Variants in HUNK observed in about 807,000 individuals in gnomAD.
HUNK encodes the protein hormonally up-regulated neu tumor-associated kinase.
In HUNK, 21 loss-of-function variants were observed where a neutral mutation model predicts 61.0. The observed-to-expected ratio is 0.34, with a 90% CI of 0.24 to 0.50. The LOEUF is 0.50. HUNK is among the 20% of genes least tolerant of loss of function. HUNK has a pLI of 0.98. For missense variants in HUNK, 772 were observed against 945.7 expected, an observed-to-expected ratio of 0.82 and a Z score of 2.41; for synonymous variants, 371 against 386.1, an observed-to-expected ratio of 0.96 and a Z score of 0.46.
rs756689144 is a variant in HUNK at position 31,924,482 on chromosome 21, C to A, written c.276C>A (p.Val92=). 1.2e-6 allele frequency: 2 copies of A among 1,612,988 alleles called. No individual in the cohort carries two copies. The highest frequency in any genetic ancestry group is 2.2e-5 in the East Asian group (1 of 44,878). Residue 92 remains valine (V), a synonymous_variant, in exon 2 of 11, where the codon GTC becomes GTA. Transcript: ENST00000270112. The surrounding 1 kb of genome is among the most constrained non-coding windows in gnomAD (Gnocchi z 5.1). ...TTTCTCCTTAGGTGGCCATAAAAGT[C>A]ATTGATAAGAAGAGAGCCAAAAAGG... ...VLTGEKVAIK[V]IDKKRAKKDT...
chr21:31,963,474 A>T (rs2052942269), intron 5 of HUNK, among the ~76,000 whole-genome samples: 1 of 152,198 alleles, frequency 6.6e-6, no homozygotes, highest in East Asian at 1.9e-4. Flanking sequence ...ATCTTTATTA[A>T]TTGGATGACT....
At chr21:31,934,226 C>T (rs566835031) in intron 2 of HUNK, among the ~76,000 whole-genome samples, 47 of 152,038 alleles carry the variant, frequency 3.1e-4, no homozygotes, top group South Asian at 2.1e-4. Flanking sequence ...GAGGCTGAGG[C>T]GGGCGGATCA....
chr21:31,973,274 A>G (rs1395329404), intron 6 of HUNK, among the ~76,000 whole-genome samples: 4 of 151,856 alleles, frequency 2.6e-5, no homozygotes, highest in Admixed American at 6.6e-5. Context: ...TTAACTCGTC[A>G]TTTGCATTAG....
intron 2 of HUNK, among the ~76,000 whole-genome samples, chr21:31,927,154 C>T (rs2052666667): frequency 6.6e-6 from 1 of 152,050 alleles, no homozygotes. Flanking sequence ...GATTCTACTG[C>T]CTCAGCTTCC....
At chr21:31,950,860 C>A (rs1451924903) in intron 4 of HUNK, among the ~76,000 whole-genome samples, 1 of 152,138 alleles carries the variant, frequency 6.6e-6, no homozygotes, top group Non-Finnish European at 1.5e-5. Context: ...GAAGAGTTCA[C>A]TTCCAAAAAA....
rs1378974388 is a variant in HUNK, at chr21:31,908,474, C to T, written c.262-15994C>T. Among the ~76,000 whole-genome samples the T allele has an allele frequency of 2.0e-5, 3 of 151,252 alleles. No individual in the cohort carries two copies. In the South Asian group the frequency reaches 6.3e-4, roughly 32 times the overall value. On this transcript the variant is annotated intron_variant, in intron 1 of 10. Coordinates refer to ENST00000270112, the MANE Select transcript of HUNK (RefSeq NM_014586.2). The stretch of plus-strand genomic sequence containing the variant: ...TTTCGGAGGAGACTTGGCAATCCAT[C>T]GTAGGGGAGGGGCAAGGGGAAAGGG...
rs1568944534 is a variant in HUNK, at chr21:31,995,789, GA to G, written c.1333del (p.Arg445GlufsTer28). 6.2e-7 allele frequency: 1 copy of G among 1,613,938 alleles called. No homozygotes were observed. Among genetic ancestry groups the G allele is most frequent in the East Asian group, 2.2e-5 (1 of 44,878 alleles). On this transcript the variant is annotated frameshift_variant, in exon 10 of 11. Coordinates refer to ENST00000270112, the MANE Select transcript of HUNK (RefSeq NM_014586.2). LOFTEE classifies it high-confidence loss of function. The part of the protein sequence containing the change: ...AVQDKKPKEQ[E>X]KRGDFLHRPF... ...GTAGGATAAAAAGCCCAAAGAACAA[GA>G]AAAAAGAGGGGATTTTCTTCATCGA...
intron 4 of HUNK, among the ~76,000 whole-genome samples, chr21:31,952,846 A>G (rs1034870009): frequency 8.7e-5 from 13 of 150,230 alleles, no homozygotes; most frequent in African/African-American, 3.0e-4. Flanking sequence ...TCTGCTGGAA[A>G]AACCCCTGGT....
In HUNK at chr21:31,924,561, C is replaced by T. The variant is rs775412939; in HGVS notation, c.355C>T (p.Arg119Cys). 3.7e-6 allele frequency: 6 copies of T among 1,614,136 alleles called. No individual in the cohort carries two copies. The highest frequency in any genetic ancestry group is 1.1e-5 in the South Asian group (1 of 91,080). Reference protein sequence around the residue: ...RREGQIQQMIRHPNITQLLDI... With the variant: ...RREGQIQQMICHPNITQLLDI... ...AGAGGGTCAGATCCAGCAGATGATC[C>T]GCCACCCCAATATCACTCAGCTCCT... Residue 119 changes from arginine (R) to cysteine (C), a missense_variant, in exon 2 of 11, where the codon CGC becomes TGC. Physicochemically the swap from Arg to Cys is radical, Grantham distance 180 (BLOSUM62 -3). Around this residue, in one of 2 missense-constraint regions of HUNK, gnomAD observed 359 missense variants for 501.3 expected, o/e 0.72. Transcript: ENST00000270112. The surrounding 1 kb of genome is among the most constrained non-coding windows in gnomAD (Gnocchi z 5.1).
intron 5 of HUNK, among the ~76,000 whole-genome samples, chr21:31,964,793 G>T (rs1304784176): frequency 6.6e-6 from 1 of 152,196 alleles, no homozygotes; most frequent in Non-Finnish European, 1.5e-5. Context: ...GTGCTCATCA[G>T]CAGTTTTTGA....
At position 31,998,956 on chromosome 21, in the gene HUNK, ACCT is replaced by A. The variant is rs1568945924; in HGVS notation, c.1920_1922del (p.Pro641del). 1 of 1,613,990 alleles carries A rather than the reference ACCT, an allele frequency of 6.2e-7. No homozygotes were observed. Among genetic ancestry groups the A allele is most frequent in the South Asian group, 1.1e-5 (1 of 91,064 alleles). The stretch of plus-strand genomic sequence containing the variant: ...CAAAAGAGGAGGGCCTGTGTTGCCC[ACCT>A]CCGGTTCCCAGCAATGGCCCCATGC... On this transcript the variant is annotated inframe_deletion, in exon 11 of 11. Transcript: ENST00000270112.
Position 31,999,180 on chromosome 21 carries a change from G to A in HUNK, c.2141G>A (p.Cys714Tyr). ...FDMADGVKTQ[C>Y] ...ATGGCCGATGGGGTCAAGACCCAGT[G>A]CTAACTTGGGCCAGCGGGGTTTGGG... The change falls in exon 11 of 11, where the codon TGC becomes TAC. Residue 714 changes from cysteine to tyrosine, a missense_variant. This residue lies in a region of HUNK where 413 missense variants were observed against 444.4 expected (regional missense o/e 0.93). Coordinates refer to ENST00000270112, the MANE Select transcript of HUNK (RefSeq NM_014586.2). The A allele has an allele frequency of 1.9e-6, 3 of 1,595,184 alleles. No individual in the cohort carries two copies. The highest frequency in any genetic ancestry group is 2.6e-6 in the Non-Finnish European group (3 of 1,171,236).
In HUNK at chr21:31,998,971, C is replaced by T; in HGVS notation, c.1932C>T (p.Ser644=). Residue 644 remains serine (S), a synonymous_variant, in exon 11 of 11, where the codon AGC becomes AGT. Coordinates refer to ENST00000270112, the MANE Select transcript of HUNK (RefSeq NM_014586.2). ...EGLCCPPPVP[S]NGPMQPLGSP... The stretch of plus-strand genomic sequence containing the variant: ...TGTGTTGCCCACCTCCGGTTCCCAG[C>T]AATGGCCCCATGCAGCCTCTGGGGA... 2 of 1,614,228 alleles carry T rather than the reference C, an allele frequency of 1.2e-6. No individual in the cohort carries two copies. Among genetic ancestry groups the T allele is most frequent in the Non-Finnish European group, 1.7e-6 (2 of 1,180,042 alleles).
At chr21:31,974,835 G>A (rs1216705218) in intron 7 of HUNK, 118 bp downstream of exon 7, 2 of 1,000,222 alleles carry the variant, frequency 2.0e-6, no homozygotes, top group Middle Eastern at 2.4e-4. Flanking sequence ...TCTAATGTGA[G>A]GCTGAGTTTT....
intron 8 of HUNK, among the ~76,000 whole-genome samples, chr21:31,987,656 A>G (rs563047405): frequency 6.6e-6 from 1 of 152,356 alleles, no homozygotes; most frequent in Admixed American, 6.5e-5. Flanking sequence ...GGCAAACAGC[A>G]TTCAATTTTC....
At chr21:31,923,235 G>A (rs1298547690) in intron 1 of HUNK, among the ~76,000 whole-genome samples, 1 of 152,120 alleles carries the variant, frequency 6.6e-6, no homozygotes, top group Non-Finnish European at 1.5e-5. Context: ...TGGAAGCCAG[G>A]AGTTCAAGAC....
At chr21:31,959,851 T>G (rs1297192468) in intron 5 of HUNK, among the ~76,000 whole-genome samples, 1 of 152,252 alleles carries the variant, frequency 6.6e-6, no homozygotes, top group African/African-American at 2.4e-5. Context: ...GCAAGTGGAA[T>G]CCAAGTGGAG....
rs2052236099 is a variant in HUNK at position 31,873,884 on chromosome 21, G to A, written c.210G>A (p.Glu70=). The change falls in exon 1 of 11, where the codon GAG becomes GAA. Residue 70 remains glutamate (E), a synonymous_variant. Coordinates refer to ENST00000270112, the MANE Select transcript of HUNK (RefSeq NM_014586.2). This position sits in a 1 kb window ranked among gnomAD's most constrained non-coding sequence, Gnocchi z 6.1. ...NYLIGSRKLG[E]GSFAKVREGL... ...TCATCGGCAGCAGGAAGCTGGGCGA[G>A]GGCTCCTTTGCCAAGGTGCGCGAGG... 2 of 1,587,678 alleles carry A rather than the reference G, an allele frequency of 1.3e-6. No homozygotes were observed. Among genetic ancestry groups the A allele is most frequent in the Admixed American group, 1.7e-5 (1 of 57,762 alleles).
chr21:31,974,672 C>CATCT lies in HUNK; in HGVS notation c.1130_1133dup (p.Phe379LeufsTer17). The CATCT allele has an allele frequency of 6.2e-7, 1 of 1,613,982 alleles. No individual in the cohort carries two copies. The highest frequency in any genetic ancestry group is 8.5e-7 in the Non-Finnish European group (1 of 1,179,950). On this transcript the variant is annotated frameshift_variant, in exon 7 of 11. Transcript: ENST00000270112. LOFTEE classifies it high-confidence loss of function. ...CCAACCGCGCCTGCCACATCCTGGC[C>CATCT]ATCTACTTCCTCTTAAACAAGAAAC... is the stretch of plus-strand genomic sequence containing the variant.
Sources: gnomAD v4.1 joint callset for allele counts (sites outside exome capture counted in the v4.1 genomes callset) on GRCh38, gnomAD v4.1.1 for gene constraint, gnomAD v4.1.1 regional missense constraint, Gnocchi (gnomAD v3.1) non-coding constraint, MANE v1.5 for transcripts, NCBI Gene and HGNC (gene_info 2026-07-23, HGNC 2026-07-21) for gene names.